ABTB3: variants seen among roughly 807,000 people sequenced by gnomAD.
ABTB3 encodes ankyrin repeat- and BTB/POZ domain-containing protein 3.
At chr12:107,636,345 A>G in the ABTB3 span, among the ~76,000 whole-genome samples, 4 of 152,188 alleles carry the variant, frequency 2.6e-5, no homozygotes, top group Admixed American at 1.3e-4. Context: ...TCTCCCTGCT[A>G]CCTGGAGATT....
the ABTB3 span, among the ~76,000 whole-genome samples, chr12:107,398,475 G>C: frequency 1.3e-5 from 2 of 152,252 alleles, no homozygotes; most frequent in Non-Finnish European, 2.9e-5. Flanking sequence ...AGAAGTAGCA[G>C]GCTTGCCCGT....
At chr12:107,361,961 T>A in the ABTB3 span, among the ~76,000 whole-genome samples, 6 of 152,160 alleles carry the variant, frequency 3.9e-5, no homozygotes, top group Non-Finnish European at 7.4e-5. Flanking sequence ...CCTTCCAACA[T>A]GTTAGGACAT....
At chr12:107,608,973 A>ATAC in the ABTB3 span, among the ~76,000 whole-genome samples, 1 of 89,790 alleles carries the variant, frequency 1.1e-5, no homozygotes, top group African/African-American at 5.8e-5. Flanking sequence ...TAAAATATAA[A>ATAC]ATAAAATAAA....
chr12:107,533,490 A>C, the ABTB3 span, among the ~76,000 whole-genome samples: 1 of 152,242 alleles, frequency 6.6e-6, no homozygotes, highest in East Asian at 1.9e-4. Context: ...ATTTCAGACA[A>C]AAATAGACTT....
chr12:107,418,531 T>C, the ABTB3 span, among the ~76,000 whole-genome samples: 3,878 of 152,336 alleles, frequency 0.025, 132 homozygotes, highest in African/African-American at 0.081. Context: ...GCCTAGCCAC[T>C]GTGGTCTTTT....
At chr12:107,483,818 C>T in the ABTB3 span, among the ~76,000 whole-genome samples, 2 of 152,132 alleles carry the variant, frequency 1.3e-5, no homozygotes, top group Non-Finnish European at 1.5e-5. Flanking sequence ...TCCCATGTAG[C>T]TGGGACTACA....
the ABTB3 span, among the ~76,000 whole-genome samples, chr12:107,504,476 A>G: frequency 6.6e-6 from 1 of 152,232 alleles, no homozygotes; most frequent in African/African-American, 2.4e-5. Flanking sequence ...TCCTCACTAT[A>G]TCATATCAAA....
chr12:107,370,307 C>T, the ABTB3 span, among the ~76,000 whole-genome samples: 3 of 152,210 alleles, frequency 2.0e-5, no homozygotes, highest in Non-Finnish European at 4.4e-5. Flanking sequence ...TGGAAGCTTC[C>T]CGTTGACCTT....
At chr12:107,348,627 AG>A in the ABTB3 span, among the ~76,000 whole-genome samples, 1 of 152,170 alleles carries the variant, frequency 6.6e-6, no homozygotes, top group Admixed American at 6.5e-5. Context: ...CGAGAGGCTG[AG>A]GTGGGAAGAT....
the ABTB3 span, among the ~76,000 whole-genome samples, chr12:107,468,784 T>C: frequency 0.25 from 37,784 of 151,974 alleles, 5,138 homozygotes; most frequent in African/African-American, 0.37. Flanking sequence ...TGTCGAGTGC[T>C]ATGAAAAAAA....
the ABTB3 span, among the ~76,000 whole-genome samples, chr12:107,381,249 A>G: frequency 6.6e-6 from 1 of 152,240 alleles, no homozygotes; most frequent in Non-Finnish European, 1.5e-5. Context: ...CCCAGCACCT[A>G]GAAGTGCAGG....
At chr12:107,530,953 A>G in the ABTB3 span, among the ~76,000 whole-genome samples, 2 of 152,234 alleles carry the variant, frequency 1.3e-5, no homozygotes, top group African/African-American at 4.8e-5. Flanking sequence ...GAGCTGGCCA[A>G]GGCTTCATTG....
At chr12:107,500,533 A>G in the ABTB3 span, among the ~76,000 whole-genome samples, 2 of 152,314 alleles carry the variant, frequency 1.3e-5, no homozygotes, top group South Asian at 4.2e-4. Flanking sequence ...TGACACGTGT[A>G]TCAGCAGTGT....
At chr12:107,467,680 A>T in the ABTB3 span, among the ~76,000 whole-genome samples, 1 of 152,174 alleles carries the variant, frequency 6.6e-6, no homozygotes, top group African/African-American at 2.4e-5. Context: ...CTATATCATG[A>T]TCCACTCAGG....
At chr12:107,589,230 T>C in the ABTB3 span, among the ~76,000 whole-genome samples, 1 of 152,222 alleles carries the variant, frequency 6.6e-6, no homozygotes, top group Admixed American at 6.5e-5. Flanking sequence ...CAGTTCTTTC[T>C]GGTTGCCAAA....
At chr12:107,320,563 CG>C in the ABTB3 span, 1 of 456,056 alleles carries the variant, frequency 2.2e-6, no homozygotes. Flanking sequence ...ACGCAGTGCA[CG>C]GGGGAAGGAG....
chr12:107,492,130 C>T, the ABTB3 span, among the ~76,000 whole-genome samples: 1 of 152,118 alleles, frequency 6.6e-6, no homozygotes, highest in East Asian at 1.9e-4. Flanking sequence ...CACGCTGATT[C>T]GCTTCCTCTG....
the ABTB3 span, among the ~76,000 whole-genome samples, chr12:107,434,587 C>T: frequency 9.9e-5 from 15 of 152,130 alleles, no homozygotes; most frequent in Non-Finnish European, 1.8e-4. Context: ...CTGGGCTGAG[C>T]GCAGTGGCTG....
At chr12:107,534,151 G>A in the ABTB3 span, among the ~76,000 whole-genome samples, 1 of 151,422 alleles carries the variant, frequency 6.6e-6, no homozygotes, top group African/African-American at 2.4e-5. Context: ...GTGTTCTATG[G>A]TCACAACTGT....
Sources: gnomAD v4.1 joint callset for allele counts (sites outside exome capture counted in the v4.1 genomes callset) on GRCh38, gnomAD v4.1.1 for gene constraint, MANE v1.5 for transcripts, NCBI Gene and HGNC (gene_info 2026-07-23, HGNC 2026-07-21) for gene names.